Variants in CEP85 observed in about 807,000 individuals in gnomAD.
CEP85 encodes the protein centrosomal protein 85.
A neutral mutation model predicts 93.7 loss-of-function variants in CEP85; 58 were observed. The observed-to-expected ratio is 0.62, with a 90% CI of 0.50 to 0.77. The LOEUF is 0.77. CEP85 is among the 30% of genes least tolerant of loss of function. CEP85 has a pLI of 0.00. For missense variants in CEP85, 868 were observed against 922.0 expected (o/e 0.94, Z 0.76); for synonymous variants, 314 against 338.6 (o/e 0.93, Z 0.80).
In CEP85 at chr1:26,268,610, A is replaced by G. The variant is rs763772158; in HGVS notation, c.1469A>G (p.Glu490Gly). 14 of 1,612,288 alleles carry G rather than the reference A, an allele frequency of 8.7e-6. No individual in the cohort carries two copies. In the African/African-American group the frequency reaches 1.6e-4, roughly 18 times the overall value. The change falls in exon 8 of 14, where the codon GAA becomes GGA. Residue 490 changes from glutamate to glycine, a missense_variant. Coordinates refer to ENST00000451429, the MANE Select transcript of CEP85 (RefSeq NM_001319944.2). ...TACCTGGCTGACCTGCCCACACTGG[A>G]AGACCATCAGAAGCAGAGCCAGCAG... Reference protein sequence around the residue: ...ERYLADLPTLEDHQKQSQQLK... With the variant: ...ERYLADLPTLGDHQKQSQQLK...
In CEP85 at chr1:26,277,427, G is replaced by A. The variant is rs1409393421; in HGVS notation, c.*134G>A. 8.9e-6 allele frequency: 7 copies of A among 783,060 alleles called. No individual in the cohort carries two copies. The South Asian group carries it at 9.0e-5, about 10-fold the overall frequency. The allele number at this position is 783,060 out of a possible 1,614,324, so 48.5% of individuals were successfully genotyped here. On this transcript the variant is annotated 3_prime_UTR_variant, in exon 14 of 14. Coordinates refer to ENST00000451429, the MANE Select transcript of CEP85 (RefSeq NM_001319944.2). Reference sequence around the variant, plus strand: ...GGGAGGGGAGAGCCTGCATCTGGGGGCCAAGGGCTGATTAGGGAACTGTGT... The same window carrying A: ...GGGAGGGGAGAGCCTGCATCTGGGGACCAAGGGCTGATTAGGGAACTGTGT...
chr1:26,246,879 C>G (rs1258633434), intron 3 of CEP85, among the ~76,000 whole-genome samples: 1 of 151,906 alleles, frequency 6.6e-6, no homozygotes, highest in Non-Finnish European at 1.5e-5. Flanking sequence ...TAAAAAAAAG[C>G]CAGACACAAA....
intron 1 of CEP85, 110 bp from the exon 2 acceptor site, chr1:26,239,651 CA>C: frequency 1.4e-6 from 1 of 706,634 alleles, no homozygotes; most frequent in Non-Finnish European, 2.5e-6. Flanking sequence ...TGTGCCTGGC[CA>C]AATACTTGAA....
intron 12 of CEP85, among the ~76,000 whole-genome samples, chr1:26,275,503 T>A (rs1340391100): frequency 1.4e-4 from 21 of 152,260 alleles, no homozygotes; most frequent in African/African-American, 5.1e-4. Flanking sequence ...ATGGTCTTCA[T>A]CTCCTGACCT....
rs145834913 is a variant in CEP85 at position 26,245,463 on chromosome 1, C to T, written c.208+1145C>T. Among the ~76,000 whole-genome samples the T allele has an allele frequency of 5.9e-3, 903 of 152,232 alleles. 8 individuals carry two copies. The highest frequency in any genetic ancestry group is 0.021 in the African/African-American group (877 of 41,504). ...ACTATTCAAGATCCAGCAAATGTCCCGCAGGCTTTTCCCATCCCTTACGCT... is the reference window on the plus strand; with the variant it reads ...ACTATTCAAGATCCAGCAAATGTCCTGCAGGCTTTTCCCATCCCTTACGCT... On this transcript the variant is annotated intron_variant, in intron 3 of 13. Transcript: ENST00000451429.
chr1:26,273,263 G>A (rs1197544585), intron 11 of CEP85, among the ~76,000 whole-genome samples: 1 of 152,182 alleles, frequency 6.6e-6, no homozygotes, highest in African/African-American at 2.4e-5. Context: ...TCTGGGTAAA[G>A]CAGGTTCACT....
intron 3 of CEP85, among the ~76,000 whole-genome samples, chr1:26,247,065 C>T (rs2089520710): frequency 1.3e-5 from 2 of 152,192 alleles, no homozygotes; most frequent in African/African-American, 2.4e-5. Context: ...CTCACAGGAG[C>T]AGGAACCCTA....
intron 3 of CEP85, among the ~76,000 whole-genome samples, chr1:26,252,357 G>A (rs944757666): frequency 6.6e-6 from 1 of 151,828 alleles, no homozygotes; most frequent in African/African-American, 2.4e-5. Context: ...GCATGGAGAA[G>A]CCCTGTCTCT....
Position 26,258,212 on chromosome 1 carries a change from C to G in CEP85, c.1107C>G (p.Leu369=), listed in dbSNP as rs1357864948. The change falls in exon 6 of 14, where the codon CTC becomes CTG. Residue 369 remains leucine, a synonymous_variant. Coordinates refer to ENST00000451429, the MANE Select transcript of CEP85 (RefSeq NM_001319944.2). The part of the protein sequence containing the change: ...RESELQVHSA[L]LGRPAPFGDV... ...GCGAACTGCAAGTCCACAGTGCCCT[C>G]TTGGGCCGCCCTGCCCCCTTTGGTG... 6.2e-7 allele frequency: 1 copy of G among 1,614,144 alleles called. No individual in the cohort carries two copies. Among genetic ancestry groups the G allele is most frequent in the Non-Finnish European group, 8.5e-7 (1 of 1,180,000 alleles).
chr1:26,236,505 C>G (rs1287928195), intron 1 of CEP85, among the ~76,000 whole-genome samples: 1 of 151,648 alleles, frequency 6.6e-6, no homozygotes, highest in African/African-American at 2.4e-5. Context: ...CAGGAAATTT[C>G]TGTCTCCTTC....
chr1:26,254,204 GTAT>G (rs1557655882), intron 3 of CEP85, among the ~76,000 whole-genome samples: 1 of 151,972 alleles, frequency 6.6e-6, no homozygotes, highest in East Asian at 1.9e-4. Context: ...GAAGAAATTG[GTAT>G]TCCTTATTTC....
At chr1:26,248,329 A>C (rs2089543141) in intron 3 of CEP85, among the ~76,000 whole-genome samples, 1 of 152,170 alleles carries the variant, frequency 6.6e-6, no homozygotes, top group Admixed American at 6.5e-5. Context: ...TTTTTCCCCC[A>C]TTGAAATGAC....
intron 3 of CEP85, among the ~76,000 whole-genome samples, chr1:26,250,925 CTTTTTTCT>C (rs1262318637): frequency 0.014 from 745 of 55,092 alleles, 72 homozygotes; most frequent in African/African-American, 0.035. Flanking sequence ...TTTTTTTTTT[CTTTTTTCT>C]TTTTTTTTTT....
chr1:26,273,405 C>T (rs1302564750), intron 11 of CEP85, among the ~76,000 whole-genome samples: 1 of 152,200 alleles, frequency 6.6e-6, no homozygotes, highest in African/African-American at 2.4e-5. Flanking sequence ...TGGTTCACCT[C>T]TTTCAAGTCC....
intron 4 of CEP85, 133 bp downstream of exon 4, chr1:26,255,998 C>G: frequency 2.5e-6 from 2 of 784,602 alleles, no homozygotes; most frequent in Non-Finnish European, 3.9e-6. Context: ...ACAGGAAATA[C>G]AGGCTTGTGA....
chr1:26,257,937 G>A (rs1487569548), intron 5 of CEP85, among the ~76,000 whole-genome samples: 2 of 152,164 alleles, frequency 1.3e-5, no homozygotes, highest in Non-Finnish European at 2.9e-5. Flanking sequence ...GGGCTCTAGG[G>A]AGTGCCTAAG....
At chr1:26,273,437 G>A (rs1026339638) in intron 11 of CEP85, among the ~76,000 whole-genome samples, 3 of 152,136 alleles carry the variant, frequency 2.0e-5, no homozygotes, top group Non-Finnish European at 4.4e-5. Flanking sequence ...AGTCAAGCCT[G>A]GCAAGCATTT....
Position 26,258,154 on chromosome 1 carries a change from A to G in CEP85, c.1049A>G (p.His350Arg). 1.2e-6 allele frequency: 2 copies of G among 1,613,964 alleles called. No homozygotes were observed. Among genetic ancestry groups the G allele is most frequent in the South Asian group, 1.1e-5 (1 of 91,072 alleles). The change falls in exon 6 of 14, where the codon CAC becomes CGC. Residue 350 changes from histidine (H) to arginine (R), a missense_variant. Coordinates refer to ENST00000451429, the MANE Select transcript of CEP85 (RefSeq NM_001319944.2). ...ACCGGCTTGTGCAGGCAGAGGAAAC[A>G]CATCTCTCAGCTGGAGCAGAAAGTG... ...KELLIDKQRKHISQLEQKVRE... is the reference protein window; with the variant it reads ...KELLIDKQRKRISQLEQKVRE...
At chr1:26,251,708 G>A (rs1352147340) in intron 3 of CEP85, among the ~76,000 whole-genome samples, 1 of 152,162 alleles carries the variant, frequency 6.6e-6, no homozygotes, top group Non-Finnish European at 1.5e-5. Flanking sequence ...ATGAACTTTT[G>A]GGGGACAGAC....
Sources: allele counts gnomAD v4.1 joint callset (sites outside exome capture counted in the v4.1 genomes callset), GRCh38; gene constraint gnomAD v4.1.1; transcripts MANE v1.5; gene names NCBI Gene and HGNC (gene_info 2026-07-23, HGNC 2026-07-21).